The following KAZN variants were observed in gnomAD, a reference collection of about 807,000 sequenced individuals.
KAZN encodes the protein kazrin, periplakin interacting protein.
KAZN carries 40 observed loss-of-function variants against 87.4 expected under a neutral mutation model. The observed-to-expected ratio is 0.46, with a 90% CI of 0.36 to 0.60. The LOEUF is 0.60. Ranked by LOEUF, KAZN falls within the 20% of genes least tolerant of loss-of-function variation. The probability of loss-of-function intolerance (pLI) is 0.00; values close to 1 mark genes in which losing one functional copy is unlikely to be tolerated. For missense variants in KAZN, 898 were observed against 1,073.9 expected (o/e 0.84, Z 2.29); for synonymous variants, 466 against 458.3 (o/e 1.02, Z -0.22).
chr1:14,638,427 G>A lies in KAZN; in HGVS notation c.226+39204G>A, dbSNP rs531491831. Among the ~76,000 whole-genome samples, 8 of 152,150 alleles carry A rather than the reference G, an allele frequency of 5.3e-5. No homozygotes were observed. In the South Asian group the frequency reaches 1.7e-3, roughly 32 times the overall value. ...CTACTAAAAATACAAAAATTAGCTG[G>A]GTGTGATGGCTCATGCCTGTAATCC... On this transcript the variant is annotated intron_variant, in intron 1 of 14. Coordinates refer to ENST00000376030, the MANE Select transcript of KAZN (RefSeq NM_201628.3).
At chr1:14,930,556 C>G (rs1191390672) in intron 1 of KAZN, among the ~76,000 whole-genome samples, 2 of 152,168 alleles carry the variant, frequency 1.3e-5, no homozygotes, top group African/African-American at 4.8e-5. Context: ...GAACCAAGCA[C>G]CTTGTTACAT....
chr1:14,079,101 G>T (rs1643576145), intron 1 of KAZN, among the ~76,000 whole-genome samples: 1 of 152,202 alleles, frequency 6.6e-6, no homozygotes, highest in Non-Finnish European at 1.5e-5. Context: ...CGATTCTGCG[G>T]GCTGTACAAG....
At chr1:14,557,050 A>G (rs1673926044) in intron 2 of KAZN, among the ~76,000 whole-genome samples, 1 of 152,212 alleles carries the variant, frequency 6.6e-6, no homozygotes, top group Non-Finnish European at 1.5e-5. Context: ...CACACAGCAA[A>G]ATAAAGCTAC....
chr1:14,579,618 C>T (rs1236323407), intron 2 of KAZN, among the ~76,000 whole-genome samples: 1 of 150,582 alleles, frequency 6.6e-6, no homozygotes. Flanking sequence ...CAGCGAGACT[C>T]CGTCTCAAAA....
At chr1:14,869,742 T>C (rs535327212) in intron 1 of KAZN, among the ~76,000 whole-genome samples, 1 of 152,336 alleles carries the variant, frequency 6.6e-6, no homozygotes, top group South Asian at 2.1e-4. Flanking sequence ...CTTGCTTCTG[T>C]TCTCCTTCGT....
intron 1 of KAZN, among the ~76,000 whole-genome samples, chr1:13,942,774 G>A (rs1051673779): frequency 2.6e-5 from 4 of 151,890 alleles, no homozygotes; most frequent in Non-Finnish European, 4.4e-5. Flanking sequence ...ATGAGAAGAC[G>A]GATAATTTTG....
rs375029427 is a variant in KAZN, at chr1:14,137,082, A to G, written c.92-43353A>G. On this transcript the variant is annotated intron_variant, in intron 1 of 16. Transcript: ENST00000636203. ...GAGCTAACATGCCCTGGGTTTTCCC[A>G]ACAAGTGAGGAAGGAAGGGCCGCTG... 6.7e-4 allele frequency among the ~76,000 whole-genome samples: 102 copies of G among 152,318 alleles called. 1 individual carries two copies. Among genetic ancestry groups the G allele is most frequent in the African/African-American group, 2.4e-3 (98 of 41,586 alleles).
At chr1:14,806,857 T>A (rs568556266) in intron 1 of KAZN, among the ~76,000 whole-genome samples, 1 of 152,354 alleles carries the variant, frequency 6.6e-6, no homozygotes, top group South Asian at 2.1e-4. Flanking sequence ...GTACCCACTC[T>A]GCAGGAGCAT....
At chr1:14,453,751 G>A (rs1404885004) in intron 2 of KAZN, among the ~76,000 whole-genome samples, 13 of 152,090 alleles carry the variant, frequency 8.5e-5, no homozygotes, top group South Asian at 4.2e-4. Context: ...CAGGAGAATC[G>A]CTTCAACCTG....
intron 3 of KAZN, among the ~76,000 whole-genome samples, chr1:15,043,633 C>CTTT (rs71000361): frequency 8.3e-5 from 6 of 72,572 alleles, no homozygotes; most frequent in Non-Finnish European, 1.2e-4. Flanking sequence ...CTCCCCACTT[C>CTTT]TTTTTTTTTT....
chr1:15,058,137 T>G (rs1206371009), intron 5 of KAZN, among the ~76,000 whole-genome samples: 1 of 152,218 alleles, frequency 6.6e-6, no homozygotes, highest in South Asian at 2.1e-4. Flanking sequence ...GGTTTGCTGT[T>G]GATGCATTTG....
chr1:14,593,434 G>A (rs1427330115), intron 2 of KAZN, among the ~76,000 whole-genome samples: 1 of 152,166 alleles, frequency 6.6e-6, no homozygotes, highest in East Asian at 1.9e-4. Flanking sequence ...GGGAGGGACG[G>A]AGTAGTTTTA....
chr1:13,977,951 C>T (rs924498175), intron 1 of KAZN, among the ~76,000 whole-genome samples: 2 of 151,936 alleles, frequency 1.3e-5, no homozygotes, highest in African/African-American at 4.8e-5. Context: ...CACGGTGAAA[C>T]CCCGTCTCTA....
chr1:14,777,013 T>C (rs1015393571), intron 1 of KAZN, among the ~76,000 whole-genome samples: 8 of 152,044 alleles, frequency 5.3e-5, no homozygotes, highest in Middle Eastern at 3.4e-3. Flanking sequence ...TGTTTTGTTT[T>C]GTTTTGAGAC....
chr1:13,911,465 C>A (rs1369424427), intron 1 of KAZN, among the ~76,000 whole-genome samples: 1 of 152,194 alleles, frequency 6.6e-6, no homozygotes, highest in Non-Finnish European at 1.5e-5. Context: ...TCTTACCAGG[C>A]CCCACCTTCA....
chr1:14,582,521 AG>A (rs1675618310), intron 2 of KAZN, among the ~76,000 whole-genome samples: 1 of 152,258 alleles, frequency 6.6e-6, no homozygotes, highest in Admixed American at 6.5e-5. Flanking sequence ...CATGTTGCAA[AG>A]GTGGTTCTCA....
At chr1:14,484,059 AATTG>A (rs1395928538) in intron 2 of KAZN, among the ~76,000 whole-genome samples, 2 of 152,180 alleles carry the variant, frequency 1.3e-5, no homozygotes, top group African/African-American at 4.8e-5. Flanking sequence ...CTTTATTGAA[AATTG>A]ATTGACCATA....
chr1:14,499,892 C>T (rs1670148781), intron 2 of KAZN, among the ~76,000 whole-genome samples: 1 of 152,198 alleles, frequency 6.6e-6, no homozygotes, highest in African/African-American at 2.4e-5. Flanking sequence ...CCGAGCTCTG[C>T]ATCTGGCTAA....
intron 1 of KAZN, among the ~76,000 whole-genome samples, chr1:14,093,166 A>C (rs991985947): frequency 1.3e-5 from 2 of 152,094 alleles, no homozygotes; most frequent in Admixed American, 6.5e-5. Context: ...CTGTGCCCCA[A>C]CACCAGCCAC....
Sources: gnomAD v4.1 joint callset for allele counts (sites outside exome capture counted in the v4.1 genomes callset) on GRCh38, gnomAD v4.1.1 for gene constraint, MANE v1.5 for transcripts, NCBI Gene and HGNC (gene_info 2026-07-23, HGNC 2026-07-21) for gene names.